Variants in CNTN5 observed in about 807,000 individuals in gnomAD.
CNTN5 encodes the protein contactin-5.
Under a neutral mutation model 129.1 loss-of-function variants are expected in CNTN5, and 77 were observed. The ratio of observed to expected loss-of-function variants is 0.60; its 90% CI spans 0.50 to 0.72. The LOEUF is 0.72. Among genes scored for constraint, CNTN5 ranks in the 30% least tolerant of loss-of-function variants. The pLI is 0.00. For missense variants in CNTN5, 1,478 were observed against 1,328.8 expected, an observed-to-expected ratio of 1.11 and a Z score of -1.75; for synonymous variants, 509 against 465.6, an observed-to-expected ratio of 1.09 and a Z score of -1.20.
intron 3 of CNTN5, among the ~76,000 whole-genome samples, chr11:99,731,899 C>T (rs1276669288): frequency 6.6e-6 from 1 of 152,150 alleles, no homozygotes; most frequent in Non-Finnish European, 1.5e-5. Flanking sequence ...AGAAAAACTC[C>T]TTCTCTTGAG....
At chr11:99,071,907 A>T (rs1356826428) in intron 1 of CNTN5, among the ~76,000 whole-genome samples, 1 of 152,036 alleles carries the variant, frequency 6.6e-6, no homozygotes, top group East Asian at 1.9e-4. Flanking sequence ...GAAAAGTTTA[A>T]GCTAAGGCAT....
intron 1 of CNTN5, among the ~76,000 whole-genome samples, chr11:99,309,132 C>T (rs1864993961): frequency 1.3e-5 from 2 of 151,626 alleles, no homozygotes; most frequent in African/African-American, 4.8e-5. Context: ...TATAGGCCTG[C>T]ATGTTAATAA....
intron 1 of CNTN5, among the ~76,000 whole-genome samples, chr11:99,230,136 A>G (rs10892953): frequency 0.14 from 21,788 of 152,074 alleles, 1,823 homozygotes; most frequent in Middle Eastern, 0.24. Context: ...AAAAGAGATT[A>G]GAAGCCATTT....
intron 19 of CNTN5, 85 bp downstream of exon 19, chr11:100,297,780 C>G (rs1591490632): frequency 2.0e-6 from 2 of 1,023,662 alleles, no homozygotes; most frequent in Non-Finnish European, 2.9e-6. Flanking sequence ...ATTAAGCAGT[C>G]CACTTGATTC....
chr11:99,877,361 T>C (rs1948660533), intron 6 of CNTN5, among the ~76,000 whole-genome samples: 1 of 152,136 alleles, frequency 6.6e-6, no homozygotes, highest in Admixed American at 6.5e-5. Context: ...ACATTGGAAA[T>C]TTTGTTTCTG....
chr11:100,191,057 T>C, intron 13 of CNTN5, 69 bp from the exon 14 acceptor site: 2 of 1,090,518 alleles, frequency 1.8e-6, no homozygotes, highest in East Asian at 2.4e-5. Context: ...TTAGACTTCA[T>C]CATTGGTTCT....
intron 8 of CNTN5, among the ~76,000 whole-genome samples, chr11:99,974,569 T>C (rs7125323): frequency 0.31 from 46,571 of 152,098 alleles, 7,473 homozygotes; most frequent in African/African-American, 0.38. Flanking sequence ...GATATTCTTC[T>C]CACTTCTGCA....
At chr11:100,293,792 A>G (rs1024169536) in intron 18 of CNTN5, among the ~76,000 whole-genome samples, 2 of 151,682 alleles carry the variant, frequency 1.3e-5, no homozygotes, top group Non-Finnish European at 3.0e-5. Context: ...TATCTACCCT[A>G]ATAAGAATAA....
At chr11:100,282,472 G>C (rs1950661198) in intron 18 of CNTN5, among the ~76,000 whole-genome samples, 1 of 152,200 alleles carries the variant, frequency 6.6e-6, no homozygotes, top group African/African-American at 2.4e-5. Context: ...CCTGGAGCTG[G>C]GGATGAAGTG....
intron 3 of CNTN5, among the ~76,000 whole-genome samples, chr11:99,635,932 C>T (rs1265301785): frequency 6.6e-6 from 1 of 152,038 alleles, no homozygotes; most frequent in East Asian, 1.9e-4. Flanking sequence ...CTTTTGTCTG[C>T]TTTCTTTGAC....
chr11:99,317,872 A>G (rs1222443510), intron 1 of CNTN5, among the ~76,000 whole-genome samples: 1 of 152,198 alleles, frequency 6.6e-6, no homozygotes, highest in Non-Finnish European at 1.5e-5. Context: ...AATGCTTTAT[A>G]GCAGATGAGT....
intron 1 of CNTN5, among the ~76,000 whole-genome samples, chr11:99,229,909 A>T (rs1039950331): frequency 2.6e-5 from 4 of 151,890 alleles, no homozygotes; most frequent in African/African-American, 9.7e-5. Flanking sequence ...ATATAAATAT[A>T]ATGTGCAATA....
At chr11:100,344,451 T>G (rs1381440077) in intron 23 of CNTN5, among the ~76,000 whole-genome samples, 1 of 152,064 alleles carries the variant, frequency 6.6e-6, no homozygotes, top group Non-Finnish European at 1.5e-5. Context: ...AAACTGGATC[T>G]CATAAAGATA....
At chr11:99,619,186 CA>C (rs910817718) in intron 3 of CNTN5, among the ~76,000 whole-genome samples, 11 of 134,388 alleles carry the variant, frequency 8.2e-5, no homozygotes, top group East Asian at 6.8e-4. Flanking sequence ...TTTGTTAAAA[CA>C]AAAAAATCAA....
chr11:99,832,042 T>G (rs1387515830), intron 4 of CNTN5, among the ~76,000 whole-genome samples: 2 of 152,190 alleles, frequency 1.3e-5, no homozygotes, highest in East Asian at 3.9e-4. Flanking sequence ...GAACCACCAC[T>G]GTGCTGTACA....
chr11:99,909,920 C>A (rs1200657285), intron 6 of CNTN5, among the ~76,000 whole-genome samples: 7 of 151,850 alleles, frequency 4.6e-5, no homozygotes, highest in Non-Finnish European at 1.5e-5. Flanking sequence ...ATGTAACAAA[C>A]CTGCACGTTG....
At chr11:99,427,610 C>G (rs1415686305) in intron 2 of CNTN5, among the ~76,000 whole-genome samples, 2 of 151,178 alleles carry the variant, frequency 1.3e-5, no homozygotes, top group African/African-American at 2.4e-5. Context: ...ACTAAAAATA[C>G]AAAAAATTAG....
At chr11:99,183,162 A>C (rs1303526576) in intron 1 of CNTN5, among the ~76,000 whole-genome samples, 1 of 152,142 alleles carries the variant, frequency 6.6e-6, no homozygotes, top group Non-Finnish European at 1.5e-5. Context: ...CTGGAAACTA[A>C]CCTTTCACTA....
At chr11:99,800,086 A>G (rs1477649371) in intron 3 of CNTN5, among the ~76,000 whole-genome samples, 1 of 151,574 alleles carries the variant, frequency 6.6e-6, no homozygotes, top group Non-Finnish European at 1.5e-5. Context: ...CTAACTTTTT[A>G]TGATAGATAT....
Sources: allele counts gnomAD v4.1 joint callset (sites outside exome capture counted in the v4.1 genomes callset), GRCh38; gene constraint gnomAD v4.1.1; transcripts MANE v1.5; gene names NCBI Gene and HGNC (gene_info 2026-07-23, HGNC 2026-07-21).